Variants in MEI4 observed in about 807,000 individuals in gnomAD.
MEI4 encodes the protein meiosis-specific protein MEI4.
In MEI4, 27 loss-of-function variants were observed where a neutral mutation model predicts 31.4. The observed-to-expected ratio is 0.86, with a 90% CI of 0.63 to 1.19. The LOEUF is 1.19. Ranked by LOEUF, MEI4 falls within the 50% of genes most tolerant of loss-of-function variation. The pLI, the probability that MEI4 is intolerant of heterozygous loss-of-function variation, is 0.00. For synonymous variants in MEI4, 122 were observed against 145.4 expected (o/e 0.84, Z 1.16); for missense variants, 329 against 398.9 (o/e 0.82, Z 1.49).
At chr6:77,832,966 C>T (rs1206091750) in intron 4 of MEI4, among the ~76,000 whole-genome samples, 1 of 152,078 alleles carries the variant, frequency 6.6e-6, no homozygotes, top group Non-Finnish European at 1.5e-5. Flanking sequence ...GTTTTGTGAA[C>T]TCTTATCCTA....
chr6:77,806,568 A>C (rs1422880730), intron 3 of MEI4, among the ~76,000 whole-genome samples: 1 of 152,156 alleles, frequency 6.6e-6, no homozygotes, highest in African/African-American at 2.4e-5. Flanking sequence ...GGTTATTGGA[A>C]TATTAATAAG....
intron 3 of MEI4, among the ~76,000 whole-genome samples, chr6:77,776,135 T>C (rs1768432777): frequency 6.6e-6 from 1 of 151,998 alleles, no homozygotes; most frequent in South Asian, 2.1e-4. Context: ...CTCTCTGGGA[T>C]GTCTGTTTAC....
intron 2 of MEI4, among the ~76,000 whole-genome samples, chr6:77,698,028 C>T (rs1390675831): frequency 6.6e-6 from 1 of 152,176 alleles, no homozygotes; most frequent in Admixed American, 6.5e-5. Context: ...TAATGGTCTT[C>T]TTTGTGTCTT....
intron 3 of MEI4, among the ~76,000 whole-genome samples, chr6:77,780,710 C>T (rs975591496): frequency 2.6e-5 from 4 of 152,076 alleles, no homozygotes; most frequent in African/African-American, 9.7e-5. Context: ...AAACTAAGGA[C>T]CTAGCACAGT....
At chr6:77,695,932 T>A (rs1766023685) in intron 2 of MEI4, among the ~76,000 whole-genome samples, 1 of 152,214 alleles carries the variant, frequency 6.6e-6, no homozygotes, top group South Asian at 2.1e-4. Flanking sequence ...TGTCCTCTTT[T>A]ACTTCATTGA....
intron 4 of MEI4, among the ~76,000 whole-genome samples, chr6:77,896,675 TAATC>T (rs974592805): frequency 5.3e-5 from 8 of 152,146 alleles, no homozygotes; most frequent in South Asian, 2.1e-4. Flanking sequence ...ATCTTTAAAA[TAATC>T]AATTCATATT....
Position 77,925,133 on chromosome 6 carries a change from T to G in MEI4, c.*1787T>G, listed in dbSNP as rs140230344. ...TACACAAGTATCAGCAATGGCCCTT[T>G]CCCTATTGCAGCCAGCCAACGTAAT... On this transcript the variant is annotated 3_prime_UTR_variant, in exon 5 of 5. Coordinates refer to ENST00000684080, the MANE Select transcript of MEI4 (RefSeq NM_001322247.2). 3.3e-5 allele frequency: 5 copies of G among 151,952 alleles called. No individual in the cohort carries two copies. The highest frequency in any genetic ancestry group is 1.2e-4 in the African/African-American group (5 of 41,524). 9.4% of individuals were successfully genotyped at this position (151,952 alleles called of 1,614,324 possible). A position where few individuals can be genotyped will look rare whatever the true frequency, so the allele number is the denominator to read the frequency against.
rs140430881 is a variant in MEI4 at position 77,742,587 on chromosome 6, C to T, written c.233-18543C>T. On this transcript the variant is annotated intron_variant, in intron 2 of 4. Coordinates refer to ENST00000684080, the MANE Select transcript of MEI4 (RefSeq NM_001322247.2). ...TTTGTAGGTTGCCTATTCACTCTGA[C>T]GTAGTTTCTTTTGCTGTGCAGACGC... Among the ~76,000 whole-genome samples, 296 of 152,142 alleles carry T rather than the reference C, an allele frequency of 1.9e-3. 3 individuals are homozygous for T. Among genetic ancestry groups the T allele is most frequent in the African/African-American group, 5.9e-3 (243 of 41,522 alleles).
At chr6:77,673,521 C>T (rs1172368922) in intron 1 of MEI4, among the ~76,000 whole-genome samples, 2 of 152,170 alleles carry the variant, frequency 1.3e-5, no homozygotes, top group African/African-American at 4.8e-5. Context: ...TTCTGTTCCC[C>T]AATTCAATTG....
At chr6:77,908,228 C>A (rs1215767175) in intron 4 of MEI4, among the ~76,000 whole-genome samples, 2 of 152,074 alleles carry the variant, frequency 1.3e-5, no homozygotes, top group South Asian at 2.1e-4. Context: ...TTGCCCATGC[C>A]TATGTACTGA....
chr6:77,672,643 G>A (rs754161255), intron 1 of MEI4, among the ~76,000 whole-genome samples: 4 of 152,140 alleles, frequency 2.6e-5, no homozygotes, highest in Non-Finnish European at 5.9e-5. Context: ...AGGTTCAAGC[G>A]ATTCTCCTAC....
intron 4 of MEI4, among the ~76,000 whole-genome samples, chr6:77,907,545 C>T (rs903341511): frequency 6.6e-6 from 1 of 152,148 alleles, no homozygotes; most frequent in Non-Finnish European, 1.5e-5. Context: ...CATTGTTGGA[C>T]ATTTGGCGTG....
intron 2 of MEI4, among the ~76,000 whole-genome samples, chr6:77,747,270 C>T (rs1767636360): frequency 6.6e-6 from 1 of 152,038 alleles, no homozygotes; most frequent in African/African-American, 2.4e-5. Context: ...CGAGATTGTG[C>T]CACTGCACTT....
At chr6:77,802,617 C>A (rs1453253529) in intron 3 of MEI4, among the ~76,000 whole-genome samples, 1 of 152,098 alleles carries the variant, frequency 6.6e-6, no homozygotes, top group African/African-American at 2.4e-5. Context: ...ACCAGTTGTT[C>A]CTTTCCATGT....
chr6:77,729,403 C>T (rs1200344113), intron 2 of MEI4, among the ~76,000 whole-genome samples: 1 of 152,150 alleles, frequency 6.6e-6, no homozygotes, highest in Non-Finnish European at 1.5e-5. Context: ...AACCTAGGAG[C>T]TTTAAAAGAT....
At chr6:77,804,309 A>T (rs2127702167) in intron 3 of MEI4, among the ~76,000 whole-genome samples, 1 of 152,258 alleles carries the variant, frequency 6.6e-6, no homozygotes, top group African/African-American at 2.4e-5. Flanking sequence ...GGAAGAGCGC[A>T]GTATTAGGGT....
chr6:77,816,711 G>A (rs964072658), intron 3 of MEI4, among the ~76,000 whole-genome samples: 14 of 152,178 alleles, frequency 9.2e-5, no homozygotes, highest in East Asian at 1.9e-4. Context: ...CTGAGGAATC[G>A]CCACACTGAC....
intron 2 of MEI4, among the ~76,000 whole-genome samples, chr6:77,713,290 A>C (rs1766507148): frequency 6.6e-6 from 1 of 152,188 alleles, no homozygotes; most frequent in African/African-American, 2.4e-5. Context: ...CAACAAATAA[A>C]TACTAGCTTT....
In MEI4 at chr6:77,924,160, A is replaced by G. The variant is rs531793103; in HGVS notation, c.*814A>G. 4 of 151,962 alleles carry G rather than the reference A, an allele frequency of 2.6e-5. No homozygotes were observed. Among genetic ancestry groups the G allele is most frequent in the South Asian group, 2.1e-4 (1 of 4,816 alleles). 9.4% of individuals were successfully genotyped at this position (151,962 alleles called of 1,614,324 possible). ...ATACAATTTCATTGACTTCATTTCA[A>G]TGATTAAAATCATAACCGCAAACTT... is the stretch of plus-strand genomic sequence containing the variant. On this transcript the variant is annotated 3_prime_UTR_variant, in exon 5 of 5. Transcript: ENST00000684080.
Sources: gnomAD v4.1 joint callset for allele counts (sites outside exome capture counted in the v4.1 genomes callset) on GRCh38, gnomAD v4.1.1 for gene constraint, MANE v1.5 for transcripts, NCBI Gene and HGNC (gene_info 2026-07-23, HGNC 2026-07-21) for gene names.